ZNF254: variants seen among roughly 807,000 people sequenced by gnomAD.
ZNF254 encodes the protein CTD-2017D11.1.
Under a neutral mutation model 12.4 loss-of-function variants are expected in ZNF254, and 10 were observed. The ratio of observed to expected loss-of-function variants is 0.80; its 90% CI spans 0.50 to 1.36. ZNF254 has a LOEUF of 1.36. Among genes scored for constraint, ZNF254 ranks in the 40% most tolerant of loss-of-function variants. The pLI, the probability that ZNF254 is intolerant of heterozygous loss-of-function variation, is 0.00. For missense variants in ZNF254, 996 were observed against 763.9 expected, an observed-to-expected ratio of 1.30 and a Z score of -3.58; for synonymous variants, 305 against 253.4, an observed-to-expected ratio of 1.20 and a Z score of -1.93.
intron 1 of ZNF254, among the ~76,000 whole-genome samples, chr19:24,088,964 CTTTTTTTT>C (rs74175785): frequency 1.0e-3 from 100 of 99,288 alleles, no homozygotes; most frequent in African/African-American, 1.6e-3. Context: ...GCCAATTAAT[CTTTTTTTT>C]TTTTTTTTTT....
chr19:24,034,820 G>A (rs1005077346), intron 1 of ZNF254, among the ~76,000 whole-genome samples: 9 of 149,528 alleles, frequency 6.0e-5, no homozygotes, highest in African/African-American at 2.0e-4. Flanking sequence ...GTTGCCCTCA[G>A]TCGCCCAGGC....
At chr19:24,106,990 T>C in intron 3 of ZNF254, 2 of 445,834 alleles carry the variant, frequency 4.5e-6, no homozygotes, top group Non-Finnish European at 7.8e-6. Flanking sequence ...AACTGTTTTT[T>C]AAGTTCTCTT....
At chr19:24,056,685 G>A (rs780020327) in intron 2 of ZNF254, among the ~76,000 whole-genome samples, 4 of 152,086 alleles carry the variant, frequency 2.6e-5, no homozygotes, top group African/African-American at 9.7e-5. Flanking sequence ...AGATTGTGAC[G>A]TATCTTCTGA....
Position 24,127,119 on chromosome 19 carries a change from T to G in ZNF254, c.1119T>G (p.Thr373=). 2 of 1,613,646 alleles carry G rather than the reference T, an allele frequency of 1.2e-6. No individual in the cohort carries two copies. Among genetic ancestry groups the G allele is most frequent in the Non-Finnish European group, 1.7e-6 (2 of 1,179,830 alleles). ...TTACTACACATAAGATAATTCATAC[T>G]GGAGAGAAACGCTACAAATGCTTAG... The part of the protein sequence containing the change: ...STLTTHKIIH[T]GEKRYKCLEC... The change falls in exon 4 of 4, where the codon ACT becomes ACG. Residue 373 remains threonine, a synonymous_variant. Transcript: ENST00000357002.
chr19:24,105,768 G>C (rs991481176), intron 1 of ZNF254, 172 bp from the exon 2 acceptor site: 1 of 1,100,764 alleles, frequency 9.1e-7, no homozygotes, highest in Admixed American at 3.0e-5. Flanking sequence ...TTTTCTCAGA[G>C]TTAGAGAATA....
intron 1 of ZNF254, chr19:24,098,558 C>T (rs148853529): frequency 6.6e-6 from 1 of 152,294 alleles, no homozygotes; most frequent in African/African-American, 2.4e-5. Context: ...TCATAGTACT[C>T]ATGTTACTCA....
chr19:24,118,138 C>T (rs1029259832), intron 3 of ZNF254, among the ~76,000 whole-genome samples: 9 of 151,478 alleles, frequency 5.9e-5, no homozygotes, highest in Non-Finnish European at 1.0e-4. Context: ...CTGCAACCTC[C>T]GCCTCCCGGG....
chr19:24,072,172 ATT>A (rs879680429), intron 2 of ZNF254, among the ~76,000 whole-genome samples: 1 of 138,296 alleles, frequency 7.2e-6, no homozygotes. Context: ...TTTCTTTTTC[ATT>A]TTTTTTTTTT....
intron 2 of ZNF254, among the ~76,000 whole-genome samples, chr19:24,071,700 C>G (rs1971487193): frequency 6.6e-6 from 1 of 152,150 alleles, no homozygotes; most frequent in Non-Finnish European, 1.5e-5. Flanking sequence ...CAGAGTGAGA[C>G]TACATCTCTT....
chr19:24,097,768 CA>C (rs1157132086), intron 1 of ZNF254, among the ~76,000 whole-genome samples: 1 of 137,770 alleles, frequency 7.3e-6, no homozygotes, highest in Non-Finnish European at 1.6e-5. Flanking sequence ...GCAACAAAAG[CA>C]AAACTCTATC....
In ZNF254 at chr19:24,127,777, A is replaced by T. The variant is rs1161367556; in HGVS notation, c.1777A>T (p.Lys593Ter). 2 of 1,612,474 alleles carry T rather than the reference A, an allele frequency of 1.2e-6. No homozygotes were observed. The highest frequency in any genetic ancestry group is 3.3e-4 in the Middle Eastern group (2 of 6,056). Residue 593 changes from lysine to a stop codon, truncating the protein, a stop_gained, in exon 4 of 4, where the codon AAG (lysine) becomes TAG (stop). Coordinates refer to ENST00000357002, the MANE Select transcript of ZNF254 (RefSeq NM_203282.4). LOFTEE classifies it low-confidence loss of function (END_TRUNC). ...CCGGTCTTCAACTTTTACTAAACAT[A>T]AGGTAATTCATACTGGAGTAAAACC... The part of the protein sequence containing the change: ...FNRSSTFTKH[K>*]VIHTGVKPYK...
In ZNF254 at chr19:24,103,768, C is replaced by T. The variant is rs149909706; in HGVS notation, c.31-2172C>T. 412 of 153,084 alleles carry T rather than the reference C, an allele frequency of 2.7e-3. 1 individual carries two copies. Among genetic ancestry groups the T allele is most frequent in the Non-Finnish European group, 4.5e-3 (311 of 68,890 alleles). 9.5% of individuals were successfully genotyped at this position (153,084 alleles called of 1,614,324 possible). A position where few individuals can be genotyped will look rare whatever the true frequency, so the allele number is the denominator to read the frequency against. On this transcript the variant is annotated intron_variant, in intron 1 of 3. Transcript: ENST00000357002. ...TGAGATGGAGTCTCGCTCTGTCATC[C>T]AGGCTGGAGTCAATGGCACAATCTC...
chr19:24,116,526 A>G lies in ZNF254; in HGVS notation c.254-9728A>G, dbSNP rs189511754. ...TTCTGCATTCTTCATGTAGTTCTCA[A>G]GCCTTGGCTTTCAGCTCCATCAGCT... On this transcript the variant is annotated intron_variant, in intron 3 of 3. Coordinates refer to ENST00000357002, the MANE Select transcript of ZNF254 (RefSeq NM_203282.4). Among the ~76,000 whole-genome samples the G allele has an allele frequency of 3.0e-3, 460 of 152,190 alleles. 1 individual carries two copies. Among genetic ancestry groups the G allele is most frequent in the Middle Eastern group, 0.024 (7 of 294 alleles).
At chr19:24,048,350 G>A (rs910722738) in intron 2 of ZNF254, among the ~76,000 whole-genome samples, 5 of 152,234 alleles carry the variant, frequency 3.3e-5, no homozygotes, top group African/African-American at 4.8e-5. Context: ...CATGGCCCAG[G>A]GTGGAACTGG....
chr19:24,038,258 A>T (rs533545409), intron 1 of ZNF254, among the ~76,000 whole-genome samples: 1 of 152,172 alleles, frequency 6.6e-6, no homozygotes, highest in Admixed American at 6.5e-5. Flanking sequence ...CCTGGTTCCA[A>T]GTTTCAAAAC....
At chr19:24,120,724 A>G (rs1007788070) in intron 3 of ZNF254, among the ~76,000 whole-genome samples, 4 of 151,822 alleles carry the variant, frequency 2.6e-5, no homozygotes, top group Admixed American at 6.6e-5. Context: ...GTGCAGCGGG[A>G]CAATCTCAGC....
chr19:24,083,720 T>C (rs531606953), upstream of ZNF254, among the ~76,000 whole-genome samples: 42 of 152,082 alleles, frequency 2.8e-4, no homozygotes, highest in Non-Finnish European at 4.3e-4. Flanking sequence ...CCAACTAACG[T>C]AGATAAAAAT....
chr19:24,108,318 G>C (rs1215948769), intron 3 of ZNF254, among the ~76,000 whole-genome samples: 1 of 152,192 alleles, frequency 6.6e-6, no homozygotes, highest in Non-Finnish European at 1.5e-5. Context: ...TGTTTACAGA[G>C]TAAGTTTAAA....
chr19:24,055,500 A>G (rs1970817896), intron 2 of ZNF254, among the ~76,000 whole-genome samples: 2 of 151,860 alleles, frequency 1.3e-5, no homozygotes, highest in Admixed American at 6.6e-5. Context: ...GATGGTCTCA[A>G]TCTCCTGACC....
Sources: allele counts gnomAD v4.1 joint callset (sites outside exome capture counted in the v4.1 genomes callset), GRCh38; gene constraint gnomAD v4.1.1; transcripts MANE v1.5; gene names NCBI Gene and HGNC (gene_info 2026-07-23, HGNC 2026-07-21).